DNAJC13: variants seen among roughly 807,000 people sequenced by gnomAD.
DNAJC13 encodes the protein DnaJ heat shock protein family (Hsp40) member C13.
DNAJC13 carries 75 observed loss-of-function variants against 290.5 expected under a neutral mutation model. The observed-to-expected ratio is 0.26, with a 90% CI of 0.21 to 0.31. DNAJC13 has a LOEUF of 0.31. Ranked by LOEUF, DNAJC13 falls within the 10% of genes least tolerant of loss-of-function variation. DNAJC13 has a pLI of 1.00. For missense variants in DNAJC13, 2,260 were observed against 2,674.5 expected (o/e 0.85, Z 3.42); for synonymous variants, 862 against 892.0 (o/e 0.97, Z 0.60).
intron 25 of DNAJC13, 122 bp from the exon 26 acceptor site, chr3:132,480,247 C>T: frequency 1.8e-6 from 1 of 562,474 alleles, no homozygotes. Context: ...TCCAAGGACT[C>T]CAAACATTCT....
At chr3:132,507,641 A>T (rs1935638368) in intron 43 of DNAJC13, among the ~76,000 whole-genome samples, 1 of 152,112 alleles carries the variant, frequency 6.6e-6, no homozygotes, top group African/African-American at 2.4e-5. Flanking sequence ...ATCTGTGATC[A>T]GTGATGTTGC....
intron 1 of DNAJC13, among the ~76,000 whole-genome samples, chr3:132,429,303 G>GTT (rs397939825): frequency 2.7e-5 from 4 of 147,852 alleles, no homozygotes; most frequent in Non-Finnish European, 4.5e-5. Context: ...TCAGGGTGAA[G>GTT]TTTTTTTTTT....
At chr3:132,517,368 A>G (rs1273969278) in intron 48 of DNAJC13, among the ~76,000 whole-genome samples, 1 of 152,208 alleles carries the variant, frequency 6.6e-6, no homozygotes, top group Non-Finnish European at 1.5e-5. Context: ...TGTTAAAACA[A>G]TAGTTCTGAA....
chr3:132,452,841 A>T (rs1174853913), intron 6 of DNAJC13, among the ~76,000 whole-genome samples: 2 of 152,228 alleles, frequency 1.3e-5, no homozygotes, highest in Non-Finnish European at 2.9e-5. Context: ...GGTTTGTAAC[A>T]TCGGTAGGCC....
At position 132,465,116 on chromosome 3, in the gene DNAJC13, A is replaced by T. The variant is rs150673662; in HGVS notation, c.1893-879A>T. On this transcript the variant is annotated intron_variant, in intron 17 of 55. Coordinates refer to ENST00000260818, the MANE Select transcript of DNAJC13 (RefSeq NM_015268.4). ...AATTACTTCAATATGTTAGCTTTCAAATTGGCACAGGAATGAACAGTTTTA... is the reference window on the plus strand; with the variant it reads ...AATTACTTCAATATGTTAGCTTTCATATTGGCACAGGAATGAACAGTTTTA... 2.6e-3 allele frequency among the ~76,000 whole-genome samples: 402 copies of T among 152,308 alleles called. 3 individuals are homozygous for T. Among genetic ancestry groups the T allele is most frequent in the African/African-American group, 8.2e-3 (340 of 41,586 alleles).
chr3:132,461,302 C>G, intron 15 of DNAJC13, 97 bp downstream of exon 15: 1 of 1,344,428 alleles, frequency 7.4e-7, no homozygotes. Flanking sequence ...ACTTCTATAG[C>G]AGAGGTGTCC....
chr3:132,450,544 C>G, intron 5 of DNAJC13, 103 bp from the exon 6 acceptor site: 4 of 716,624 alleles, frequency 5.6e-6, no homozygotes, highest in East Asian at 2.8e-5. Flanking sequence ...TTTACGATGA[C>G]AGTTAGATTT....
rs557102338 is a variant in DNAJC13 at position 132,500,626 on chromosome 3, T to C, written c.4417-168T>C. Among the ~76,000 whole-genome samples the C allele has an allele frequency of 3.3e-5, 5 of 152,354 alleles. No individual in the cohort carries two copies. In the East Asian group the frequency reaches 5.8e-4, roughly 18 times the overall value. On this transcript the variant is annotated intron_variant, in intron 38 of 55. Transcript: ENST00000260818. ...ACTACCCCAGCATTTATAGGAAATCTTAATGAGAAAGACTAGTGATCTAGT... is the reference window on the plus strand; with the variant it reads ...ACTACCCCAGCATTTATAGGAAATCCTAATGAGAAAGACTAGTGATCTAGT...
intron 22 of DNAJC13, among the ~76,000 whole-genome samples, chr3:132,476,195 C>G (rs1365580319): frequency 2.6e-5 from 4 of 152,158 alleles, no homozygotes; most frequent in Non-Finnish European, 5.9e-5. Flanking sequence ...CTTGCTTCGA[C>G]TTTTAGCCCT....
At chr3:132,516,562 T>G in intron 47 of DNAJC13, 66 bp downstream of exon 47, 3 of 1,567,628 alleles carry the variant, frequency 1.9e-6, no homozygotes, top group Non-Finnish European at 1.7e-6. Flanking sequence ...TGAGCTGCAT[T>G]TTACAGCCTG....
intron 2 of DNAJC13, among the ~76,000 whole-genome samples, chr3:132,437,980 G>A (rs1256243695): frequency 2.6e-5 from 4 of 151,172 alleles, no homozygotes; most frequent in African/African-American, 9.8e-5. Context: ...GAACCCTGGA[G>A]GCGGAGACTG....
At chr3:132,425,856 G>A (rs929998191) in intron 1 of DNAJC13, among the ~76,000 whole-genome samples, 1 of 152,074 alleles carries the variant, frequency 6.6e-6, no homozygotes, top group Non-Finnish European at 1.5e-5. Context: ...TGCTGTGTGT[G>A]TAAATTTTTT....
chr3:132,502,255 G>GTA, intron 39 of DNAJC13, 34 bp from the exon 40 acceptor site: 1 of 1,323,508 alleles, frequency 7.6e-7, no homozygotes, highest in East Asian at 2.5e-5. Flanking sequence ...TTTTAACTCT[G>GTA]TAACAACTAA....
chr3:132,538,552 CAA>C lies in DNAJC13; in HGVS notation c.*273_*274del. 3.9e-6 allele frequency: 1 copy of C among 256,020 alleles called. No homozygotes were observed. The highest frequency in any genetic ancestry group is 7.3e-6 in the Non-Finnish European group (1 of 136,938). 15.9% of individuals were successfully genotyped at this position (256,020 alleles called of 1,614,324 possible). On this transcript the variant is annotated 3_prime_UTR_variant, in exon 56 of 56. Coordinates refer to ENST00000260818, the MANE Select transcript of DNAJC13 (RefSeq NM_015268.4). ...ACATTTGTTCCTTTATATCTGTTTA[CAA>C]AACTGTGAATCAAAAAGACAAAACT... is the stretch of plus-strand genomic sequence containing the variant.
At chr3:132,512,125 T>C (rs986099454) in intron 44 of DNAJC13, among the ~76,000 whole-genome samples, 1 of 152,180 alleles carries the variant, frequency 6.6e-6, no homozygotes, top group South Asian at 2.1e-4. Context: ...ACTAGTGGTA[T>C]GTTAGGTACA....
intron 29 of DNAJC13, among the ~76,000 whole-genome samples, chr3:132,486,209 T>C (rs1375581394): frequency 6.7e-6 from 1 of 148,604 alleles, no homozygotes; most frequent in East Asian, 2.1e-4. Context: ...AGCACTGCAA[T>C]TATTGAGGGC....
At chr3:132,430,630 G>A (rs765193397) in intron 1 of DNAJC13, among the ~76,000 whole-genome samples, 1 of 152,080 alleles carries the variant, frequency 6.6e-6, no homozygotes, top group African/African-American at 2.4e-5. Context: ...CCATTCTTCA[G>A]TATCAGCCAT....
chr3:132,486,194 G>GA (rs1934870362), intron 29 of DNAJC13, among the ~76,000 whole-genome samples: 1 of 140,826 alleles, frequency 7.1e-6, no homozygotes, highest in South Asian at 2.3e-4. Flanking sequence ...ATCCTTCAGT[G>GA]AAAAAGCACT....
At chr3:132,496,851 A>C (rs1427598958) in intron 36 of DNAJC13, among the ~76,000 whole-genome samples, 188 bp downstream of exon 36, 1 of 152,172 alleles carries the variant, frequency 6.6e-6, no homozygotes, top group Non-Finnish European at 1.5e-5. Flanking sequence ...TATTTGTTTT[A>C]TATCTTTCCC....
Sources: allele counts gnomAD v4.1 joint callset (sites outside exome capture counted in the v4.1 genomes callset), GRCh38; gene constraint gnomAD v4.1.1; transcripts MANE v1.5; gene names NCBI Gene and HGNC (gene_info 2026-07-23, HGNC 2026-07-21).